The following ADAMTS10 variants were observed in gnomAD, a reference collection of about 807,000 sequenced individuals.
ADAMTS10 encodes A disintegrin and metalloproteinase with thrombospondin motifs 10.
ADAMTS10 carries 48 observed loss-of-function variants against 135.9 expected under a neutral mutation model. The observed-to-expected ratio is 0.35, with a 90% confidence interval of 0.28 to 0.45. The LOEUF (loss-of-function observed/expected upper bound fraction) is 0.45. ADAMTS10 is among the 20% of genes least tolerant of loss of function. ADAMTS10 has a pLI of 1.00. For missense variants in ADAMTS10, 1,131 were observed against 1,565.2 expected (o/e 0.72, Z 4.68); for synonymous variants, 621 against 647.5 (o/e 0.96, Z 0.62).
chr19:8,605,379 C>A lies in ADAMTS10; in HGVS notation c.89-21G>T. The A allele has an allele frequency of 6.4e-7, 1 of 1,573,756 alleles. No individual in the cohort carries two copies. ...CTCATCTGTGGGTGAGGGTCAGAGG[C>A]CTGGGGTGGGCCCTGGTCTTATTGG... On this transcript the variant is annotated intron_variant, in intron 3 of 25. Transcript: ENST00000597188. This position sits in a 1 kb window ranked among gnomAD's most constrained non-coding sequence, Gnocchi z 7.7.
Position 8,605,595 on chromosome 19 carries a change from C to T in ADAMTS10, c.88+28G>A. The T allele has an allele frequency of 6.2e-7, 1 of 1,610,264 alleles. No homozygotes were observed. The highest frequency in any genetic ancestry group is 8.5e-7 in the Non-Finnish European group (1 of 1,178,680). On this transcript the variant is annotated intron_variant, in intron 3 of 25. Transcript: ENST00000597188. This position sits in a 1 kb window ranked among gnomAD's most constrained non-coding sequence, Gnocchi z 7.7. ...GGTCTCTTACATTTTTCGCTCCCTC[C>T]CCACCGCCACCACCAGACTTCCCCT...
chr19:8,590,884 C>T (rs1171697922), intron 15 of ADAMTS10, among the ~76,000 whole-genome samples: 1 of 152,256 alleles, frequency 6.6e-6, no homozygotes, highest in Non-Finnish European at 1.5e-5. Flanking sequence ...GTGTGAGCCA[C>T]TGCACCTGGC....
At chr19:8,591,449 T>G (rs73004565) in intron 15 of ADAMTS10, among the ~76,000 whole-genome samples, 40,615 of 149,116 alleles carry the variant, frequency 0.27, 6,292 homozygotes, top group East Asian at 0.66. Context: ...TTTGTTTTTT[T>G]TTTTTTTTTT....
At position 8,605,822 on chromosome 19, in the gene ADAMTS10, A is replaced by T; in HGVS notation, c.-99-13T>A. 6.6e-7 allele frequency: 1 copy of T among 1,506,956 alleles called. No homozygotes were observed. Among genetic ancestry groups the T allele is most frequent in the Non-Finnish European group, 8.8e-7 (1 of 1,130,528 alleles). The allele number at this position is 1,506,956 out of a possible 1,614,324, so 93.3% of individuals were successfully genotyped here. On this transcript the variant is annotated splice_polypyrimidine_tract_variant and intron_variant, in intron 2 of 25. Coordinates refer to ENST00000597188, the MANE Select transcript of ADAMTS10 (RefSeq NM_030957.4). The surrounding 1 kb of genome is among the most constrained non-coding windows in gnomAD (Gnocchi z 7.7). ...CATCACCGGGCTCCTGGGAGGGGGG[A>T]GCCAGGTAAGGGGGCGCCTGGTCCC...
chr19:8,595,698 T>TCCCGCCCCC, intron 12 of ADAMTS10, 64 bp downstream of exon 12: 8 of 1,291,948 alleles, frequency 6.2e-6, no homozygotes, highest in Non-Finnish European at 8.6e-6. Flanking sequence ...CTGGTGGAGT[T>TCCCGCCCCC]CCCTCCCCCA....
At chr19:8,588,524 T>C (rs1353825828) in intron 18 of ADAMTS10, among the ~76,000 whole-genome samples, 2 of 152,150 alleles carry the variant, frequency 1.3e-5, no homozygotes, top group Non-Finnish European at 2.9e-5. Flanking sequence ...TACGGCTTCC[T>C]CAGCCTTCCA....
chr19:8,601,094 G>T lies in ADAMTS10; in HGVS notation c.644C>A (p.Pro215Gln). The T allele has an allele frequency of 6.2e-7, 1 of 1,614,014 alleles. No homozygotes were observed. Among genetic ancestry groups the T allele is most frequent in the Non-Finnish European group, 8.5e-7 (1 of 1,180,042 alleles). The change falls in exon 6 of 26, where the codon CCG becomes CAG. Residue 215 changes from proline (P) to glutamine (Q), a missense_variant. Pro to Gln is a moderately conservative substitution (Grantham distance 76). This residue lies in a region of ADAMTS10 where 306 missense variants were observed against 344.4 expected (regional missense o/e 0.89). Transcript: ENST00000597188. The surrounding 1 kb of genome is among the most constrained non-coding windows in gnomAD (Gnocchi z 4.6). ...RPWWLRTLKP[P>Q]PARPLGNETE... ...TTCATTCCCCAGGGGCCTGGCAGGC[G>T]GTGGCTTCAAGGTCCGCAGCCACCA...
Position 8,584,909 on chromosome 19 carries a change from C to A in ADAMTS10, c.3188G>T (p.Gly1063Val). ...CACCCACATACCTTCAGGGCCGTCC[C>A]CGGGGGTTGGGCTGTCGCACTTGGC... ...CEAKCDSPTP[G>V]DGPEECKDVN... Residue 1063 changes from glycine (G) to valine (V), a missense_variant, in exon 25 of 26, where the codon GGG (glycine) becomes GTG (valine). Gly to Val is a moderately radical substitution (Grantham distance 109). Transcript: ENST00000597188. 1.9e-6 allele frequency: 3 copies of A among 1,549,016 alleles called. No homozygotes were observed. The African/African-American group carries it at 4.1e-5, about 21-fold the overall frequency.
chr19:8,588,623 A>G (rs1462213450), intron 18 of ADAMTS10, among the ~76,000 whole-genome samples: 1 of 152,012 alleles, frequency 6.6e-6, no homozygotes. Flanking sequence ...TGCTTTCTAC[A>G]TTCTCTGAAT....
At chr19:8,604,964 T>C in intron 4 of ADAMTS10, 48 bp downstream of exon 4, 2 of 1,540,582 alleles carry the variant, frequency 1.3e-6, no homozygotes, top group Non-Finnish European at 1.8e-6. Context: ...TTTCTTAACT[T>C]CCAAACTTAT....
At position 8,580,719 on chromosome 19, in the gene ADAMTS10, A is replaced by G; in HGVS notation, c.*174T>C. 7 of 599,126 alleles carry G rather than the reference A, an allele frequency of 1.2e-5. No homozygotes were observed. The allele number at this position is 599,126 out of a possible 1,614,324, so 37.1% of individuals were successfully genotyped here. The stretch of plus-strand genomic sequence containing the variant: ...GAAGAGGGGCTCTGGGGGGATAGCC[A>G]GCCCCTCTCCATCCCCCCAGCCAGG... On this transcript the variant is annotated 3_prime_UTR_variant, in exon 26 of 26. Coordinates refer to ENST00000597188, the MANE Select transcript of ADAMTS10 (RefSeq NM_030957.4).
chr19:8,604,144 G>C (rs933061406), intron 4 of ADAMTS10, among the ~76,000 whole-genome samples: 1 of 151,610 alleles, frequency 6.6e-6, no homozygotes, highest in Admixed American at 6.6e-5. Context: ...TCAACTTCCT[G>C]GGCTCAAGCG....
At position 8,605,095 on chromosome 19, in the gene ADAMTS10, C is replaced by G. The variant is rs782661103; in HGVS notation, c.352G>C (p.Ala118Pro). The G allele has an allele frequency of 5.6e-6, 9 of 1,612,600 alleles. No homozygotes were observed. In the Admixed American group the frequency reaches 1.5e-4, roughly 27 times the overall value. The change falls in exon 4 of 26, where the codon GCC (alanine) becomes CCC (proline). Residue 118 changes from alanine (A) to proline (P), a missense_variant. Ala to Pro is a conservative substitution (Grantham distance 27). Transcript: ENST00000597188. This position sits in a 1 kb window ranked among gnomAD's most constrained non-coding sequence, Gnocchi z 7.7. ...TREGLAWQRA[A>P]RPHCLYAGHL... ...CCAGCGTAGAGGCAGTGGGGCCGGG[C>G]CGCCCTCTGCCAGGCCAGGCCCTCC... is the stretch of plus-strand genomic sequence containing the variant.
At position 8,601,072 on chromosome 19, in the gene ADAMTS10, A is replaced by G. The variant is rs2042664819; in HGVS notation, c.666T>C (p.Asn222=). The G allele has an allele frequency of 2.5e-6, 4 of 1,614,078 alleles. No homozygotes were observed. The highest frequency in any genetic ancestry group is 1.6e-4 in the Middle Eastern group (1 of 6,062). The change falls in exon 6 of 26, where the codon AAT becomes AAC. Residue 222 remains asparagine (N), a synonymous_variant. Transcript: ENST00000597188. This position sits in a 1 kb window ranked among gnomAD's most constrained non-coding sequence, Gnocchi z 4.6. ...GGCCTGGCTGGCCACGCTCTGTTTCATTCCCCAGGGGCCTGGCAGGCGGTG... is the reference window on the plus strand; with the variant it reads ...GGCCTGGCTGGCCACGCTCTGTTTCGTTCCCCAGGGGCCTGGCAGGCGGTG... The part of the protein sequence containing the change: ...LKPPPARPLG[N]ETERGQPGLK...
At position 8,587,930 on chromosome 19, in the gene ADAMTS10, C is replaced by CAAA. The variant is rs34536913; in HGVS notation, c.2159-1037_2159-1035dup. The stretch of plus-strand genomic sequence containing the variant: ...TGTGTGACAGAGCGAGACCCCATCT[C>CAAA]AAAAAAAAAAAAAAAAAAAAGAATT... On this transcript the variant is annotated intron_variant, in intron 18 of 25. Transcript: ENST00000597188. Among the ~76,000 whole-genome samples the CAAA allele has an allele frequency of 8.8e-5, 8 of 90,742 alleles. No individual in the cohort carries two copies. In the East Asian group the frequency reaches 1.0e-3, roughly 12 times the overall value. The allele number at this position is 90,742 out of a possible 152,430, so 59.5% of individuals were successfully genotyped here.
At chr19:8,584,001 A>G (rs2042388184) in intron 25 of ADAMTS10, among the ~76,000 whole-genome samples, 1 of 151,456 alleles carries the variant, frequency 6.6e-6, no homozygotes, top group South Asian at 2.1e-4. Flanking sequence ...TACTAAAAAT[A>G]CAAAAATTAG....
intron 4 of ADAMTS10, 57 bp from the exon 5 acceptor site, chr19:8,603,941 C>T: frequency 1.3e-6 from 2 of 1,509,594 alleles, no homozygotes; most frequent in South Asian, 1.3e-5. Flanking sequence ...GAGCTTAGGA[C>T]CCCTGGGACC....
chr19:8,597,867 G>A (rs1305471834), intron 6 of ADAMTS10, among the ~76,000 whole-genome samples: 1 of 151,382 alleles, frequency 6.6e-6, no homozygotes, highest in Non-Finnish European at 1.5e-5. Flanking sequence ...ACAATGGTGT[G>A]ATCTCAGCTC....
intron 12 of ADAMTS10, among the ~76,000 whole-genome samples, chr19:8,594,451 C>G (rs1418036420): frequency 6.6e-6 from 1 of 152,202 alleles, no homozygotes; most frequent in Admixed American, 6.5e-5. Context: ...ATAAATCCCC[C>G]TTTGCCAAGA....
Sources: allele counts gnomAD v4.1 joint callset (sites outside exome capture counted in the v4.1 genomes callset), GRCh38; gene constraint gnomAD v4.1.1; regional missense constraint gnomAD v4.1.1; non-coding constraint Gnocchi (gnomAD v3.1); transcripts MANE v1.5; gene names NCBI Gene and HGNC (gene_info 2026-07-23, HGNC 2026-07-21).